ARHGAP5: variants seen among roughly 807,000 people sequenced by gnomAD.
ARHGAP5 encodes the protein rho GTPase-activating protein 5.
ARHGAP5 carries 23 observed loss-of-function variants against 116.6 expected under a neutral mutation model. The observed-to-expected ratio is 0.20, with a 90% CI of 0.14 to 0.28. ARHGAP5 has a LOEUF of 0.28. Among genes scored for constraint, ARHGAP5 ranks in the 10% least tolerant of loss-of-function variants. The pLI is 1.00. For missense variants in ARHGAP5, 1,405 were observed against 1,774.8 expected, an observed-to-expected ratio of 0.79 and a Z score of 3.74; for synonymous variants, 574 against 602.0, an observed-to-expected ratio of 0.95 and a Z score of 0.68.
At chr14:32,118,416 G>C (rs1879713430) in intron 3 of ARHGAP5, among the ~76,000 whole-genome samples, 1 of 151,796 alleles carries the variant, frequency 6.6e-6, no homozygotes. Flanking sequence ...AGAATTGCTC[G>C]AACCCAGGAG....
chr14:32,093,969 A>G lies in ARHGAP5; in HGVS notation c.3300A>G (p.Lys1100=). 1 of 1,613,790 alleles carries G rather than the reference A, an allele frequency of 6.2e-7. No homozygotes were observed. Residue 1100 remains lysine (K), a synonymous_variant, in exon 2 of 7, where the codon AAA becomes AAG. Coordinates refer to ENST00000345122, the MANE Select transcript of ARHGAP5 (RefSeq NM_001030055.2). The part of the protein sequence containing the change: ...NYAEPIDTIF[K]QKGYSDEIYV... ...CGGAACCCATTGATACAATTTTCAA[A>G]CAGAAGGGCTATTCTGATGAGATTT...
chr14:32,137,339 T>G (rs1880858360), intron 3 of ARHGAP5, among the ~76,000 whole-genome samples: 2 of 151,172 alleles, frequency 1.3e-5, no homozygotes, highest in Non-Finnish European at 2.9e-5. Flanking sequence ...CTTTTCTCAT[T>G]AAATGGTCTT....
At chr14:32,130,697 T>C (rs1880441142) in intron 3 of ARHGAP5, among the ~76,000 whole-genome samples, 1 of 151,918 alleles carries the variant, frequency 6.6e-6, no homozygotes, top group Non-Finnish European at 1.5e-5. Context: ...CACACCCCGC[T>C]GATTTTTGCA....
At position 32,092,410 on chromosome 14, in the gene ARHGAP5, C is replaced by T. The variant is rs756941252; in HGVS notation, c.1741C>T (p.His581Tyr). 1.9e-6 allele frequency: 3 copies of T among 1,613,488 alleles called. No homozygotes were observed. The highest frequency in any genetic ancestry group is 2.5e-6 in the Non-Finnish European group (3 of 1,179,752). Residue 581 changes from histidine (H) to tyrosine (Y), a missense_variant, in exon 2 of 7, where the codon CAT (histidine) becomes TAT (tyrosine). Coordinates refer to ENST00000345122, the MANE Select transcript of ARHGAP5 (RefSeq NM_001030055.2). The surrounding 1 kb of genome is among the most constrained non-coding windows in gnomAD (Gnocchi z 4.1). ...TGCTAGTAGTCTTTTACAGTTGGAT[C>T]ATGGCCGCTTAAGATTATATCACGA... ...LLASSLLQLD[H>Y]GRLRLYHDST...
intron 2 of ARHGAP5, among the ~76,000 whole-genome samples, chr14:32,099,881 G>A (rs1465738843): frequency 2.6e-5 from 4 of 152,090 alleles, no homozygotes; most frequent in Admixed American, 6.5e-5. Flanking sequence ...ACTGAGCTTC[G>A]TTGTCATTCT....
chr14:32,129,136 G>C (rs1463133553), intron 3 of ARHGAP5, among the ~76,000 whole-genome samples: 2 of 152,214 alleles, frequency 1.3e-5, no homozygotes, highest in Admixed American at 6.5e-5. Context: ...ATATGGCAGA[G>C]TTAAATTGTG....
intron 3 of ARHGAP5, among the ~76,000 whole-genome samples, chr14:32,137,161 G>A (rs1348494296): frequency 6.6e-6 from 1 of 150,872 alleles, no homozygotes; most frequent in Non-Finnish European, 1.5e-5. Flanking sequence ...GCAAAATCAA[G>A]GTCATGAAGA....
intron 3 of ARHGAP5, among the ~76,000 whole-genome samples, chr14:32,136,985 A>T (rs1323215524): frequency 1.3e-5 from 2 of 151,780 alleles, no homozygotes; most frequent in African/African-American, 2.4e-5. Context: ...GACTTTTATC[A>T]GGTAAGTGAT....
At chr14:32,144,496 A>G (rs1182162676) in intron 3 of ARHGAP5, among the ~76,000 whole-genome samples, 1 of 151,338 alleles carries the variant, frequency 6.6e-6, no homozygotes, top group East Asian at 1.9e-4. Context: ...TTATTTATTT[A>G]TTTTTGAGAA....
chr14:32,116,990 A>G, intron 2 of ARHGAP5, 150 bp from the exon 3 acceptor site: 2 of 554,240 alleles, frequency 3.6e-6, no homozygotes, highest in Non-Finnish European at 5.8e-6. Flanking sequence ...ACTTCTGGCA[A>G]AATTTATTTA....
chr14:32,124,109 A>G (rs1485048714), intron 3 of ARHGAP5, among the ~76,000 whole-genome samples: 1 of 152,110 alleles, frequency 6.6e-6, no homozygotes, highest in Non-Finnish European at 1.5e-5. Context: ...TTCTCTCTTC[A>G]GCTCTCATAG....
chr14:32,084,258 T>TG lies in ARHGAP5; in HGVS notation c.-168-6241dup, dbSNP rs2041806870. Among the ~76,000 whole-genome samples the TG allele has an allele frequency of 4.6e-5, 7 of 152,290 alleles. No individual in the cohort carries two copies. The South Asian group carries it at 1.2e-3, about 27-fold the overall frequency. On this transcript the variant is annotated intron_variant, in intron 1 of 6. Coordinates refer to ENST00000345122, the MANE Select transcript of ARHGAP5 (RefSeq NM_001030055.2). ...TAAAAGCAGAATTACCTTTGCTGCG[T>TG]GGGTTTGCGGAGCTCCCAGAGTACT...
rs1350101587 is a variant in ARHGAP5 at position 32,159,535 on chromosome 14, T to G, written c.*4587T>G. 6.6e-6 allele frequency: 1 copy of G among 152,178 alleles called. No homozygotes were observed. The highest frequency in any genetic ancestry group is 1.5e-5 in the Non-Finnish European group (1 of 68,012). 9.4% of individuals were successfully genotyped at this position (152,178 alleles called of 1,614,324 possible). On this transcript the variant is annotated 3_prime_UTR_variant, in exon 7 of 7. Coordinates refer to ENST00000345122, the MANE Select transcript of ARHGAP5 (RefSeq NM_001030055.2). Reference sequence around the variant, plus strand: ...TCCAGATTAGTTTTAAGTGTGTATATGTATTTGCTCACCAGATCATTTTCT... The same window carrying G: ...TCCAGATTAGTTTTAAGTGTGTATAGGTATTTGCTCACCAGATCATTTTCT...
At position 32,091,370 on chromosome 14, in the gene ARHGAP5, A is replaced by G; in HGVS notation, c.701A>G (p.Asn234Ser). 1 of 1,611,918 alleles carries G rather than the reference A, an allele frequency of 6.2e-7. No individual in the cohort carries two copies. Among genetic ancestry groups the G allele is most frequent in the Non-Finnish European group, 8.5e-7 (1 of 1,179,214 alleles). The change falls in exon 2 of 7, where the codon AAC (asparagine) becomes AGC (serine). Residue 234 changes from asparagine to serine, a missense_variant. By Grantham distance (46) the Asn-to-Ser change is conservative (BLOSUM62 1). Transcript: ENST00000345122. ...VVETSARFNVNIETCFTALVQ... is the reference protein window; with the variant it reads ...VVETSARFNVSIETCFTALVQ... ...GAAACATCAGCACGATTTAATGTCA[A>G]CATTGAAACATGTTTTACTGCACTG...
Position 32,093,403 on chromosome 14 carries a change from A to G in ARHGAP5, c.2734A>G (p.Thr912Ala). 1 of 1,613,884 alleles carries G rather than the reference A, an allele frequency of 6.2e-7. No homozygotes were observed. The highest frequency in any genetic ancestry group is 1.3e-5 in the African/African-American group (1 of 75,038). Residue 912 changes from threonine (T) to alanine (A), a missense_variant, in exon 2 of 7, where the codon ACT (threonine) becomes GCT (alanine). Physicochemically the swap from Thr to Ala is moderately conservative, Grantham distance 58. Around this residue, in one of 6 missense-constraint regions of ARHGAP5, gnomAD observed 944 missense variants for 1,095.3 expected, o/e 0.86. Transcript: ENST00000345122. Reference sequence around the variant, plus strand: ...AGGAGAACACATTGCAACTGAGATCACTGCTAAATTTACAGCACTGTATTC... The same window carrying G: ...AGGAGAACACATTGCAACTGAGATCGCTGCTAAATTTACAGCACTGTATTC... The part of the protein sequence containing the change: ...TEGEHIATEI[T>A]AKFTALYSLS...
Position 32,091,494 on chromosome 14 carries a change from G to T in ARHGAP5, c.825G>T (p.Lys275Asn), listed in dbSNP as rs776942313. 5 of 1,613,216 alleles carry T rather than the reference G, an allele frequency of 3.1e-6. No individual in the cohort carries two copies. Among genetic ancestry groups the T allele is most frequent in the Non-Finnish European group, 3.4e-6 (4 of 1,179,538 alleles). The change falls in exon 2 of 7, where the codon AAG becomes AAT. Residue 275 changes from lysine to asparagine, a missense_variant. Physicochemically the swap from Lys to Asn is moderately conservative, Grantham distance 94 (BLOSUM62 0). Coordinates refer to ENST00000345122, the MANE Select transcript of ARHGAP5 (RefSeq NM_001030055.2). ...AACTTGTTGTCACAGCAACAGATAA[G>T]TTTGAAAAACTTGTGCAGACTGTGA... ...QRQLVVTATD[K>N]FEKLVQTVRD...
intron 3 of ARHGAP5, among the ~76,000 whole-genome samples, chr14:32,124,828 T>G (rs1010391101): frequency 2.6e-5 from 4 of 152,156 alleles, no homozygotes; most frequent in Admixed American, 6.5e-5. Context: ...TAGATATTAA[T>G]GTAAACTATA....
Position 32,150,021 on chromosome 14 carries a change from T to C in ARHGAP5, c.4063T>C (p.Leu1355=), listed in dbSNP as rs187384396. The change falls in exon 5 of 7, where the codon TTG becomes CTG. Residue 1355 remains leucine (L), a synonymous_variant. Coordinates refer to ENST00000345122, the MANE Select transcript of ARHGAP5 (RefSeq NM_001030055.2). ...TCCATATTCTCTTCATCCAGAACTA[T>C]TGGAAGCAGCAAGTAAGTATAAACC... The part of the protein sequence containing the change: ...LIPYSLHPEL[L]EAAKIPDKTE... 398 of 1,594,142 alleles carry C rather than the reference T, an allele frequency of 2.5e-4. No homozygotes were observed. In the East Asian group the frequency reaches 8.6e-3, roughly 35 times the overall value.
rs1268338374 is a variant in ARHGAP5, at chr14:32,120,734, G to T, written c.3865+3447G>T. ...TGAAAAACAAGGAGTTTGATTCCAG[G>T]TTAAGTTTATTGAAGAGTTTAATGA... is the stretch of plus-strand genomic sequence containing the variant. On this transcript the variant is annotated intron_variant, in intron 3 of 6. Coordinates refer to ENST00000345122, the MANE Select transcript of ARHGAP5 (RefSeq NM_001030055.2). 5.9e-5 allele frequency among the ~76,000 whole-genome samples: 9 copies of T among 151,464 alleles called. No individual in the cohort carries two copies. In the East Asian group the frequency reaches 1.4e-3, roughly 23 times the overall value.
Sources: allele counts gnomAD v4.1 joint callset (sites outside exome capture counted in the v4.1 genomes callset), GRCh38; gene constraint gnomAD v4.1.1; regional missense constraint gnomAD v4.1.1; non-coding constraint Gnocchi (gnomAD v3.1); transcripts MANE v1.5; gene names NCBI Gene and HGNC (gene_info 2026-07-23, HGNC 2026-07-21).